The following CYP7B1 variants were observed in gnomAD, a reference collection of about 807,000 sequenced individuals.
CYP7B1 encodes the protein cytochrome P450 family 7 subfamily B member 1.
CYP7B1 carries 29 observed loss-of-function variants against 42.7 expected under a neutral mutation model. The observed-to-expected ratio is 0.68, with a 90% CI of 0.51 to 0.93. The LOEUF (loss-of-function observed/expected upper bound fraction) is 0.93. Among genes scored for constraint, CYP7B1 ranks in the 40% least tolerant of loss-of-function variants. The pLI is 0.00. For missense variants in CYP7B1, 655 were observed against 600.5 expected (o/e 1.09, Z -0.95); for synonymous variants, 235 against 218.2 (o/e 1.08, Z -0.68).
chr8:64,733,597 C>G (rs968743067), intron 1 of CYP7B1, among the ~76,000 whole-genome samples: 4 of 152,118 alleles, frequency 2.6e-5, no homozygotes, highest in East Asian at 1.9e-4. Context: ...AGAAAGCCAG[C>G]CTTTGTGTGA....
At chr8:64,623,439 C>T (rs3824188) in intron 2 of CYP7B1, among the ~76,000 whole-genome samples, 9,977 of 152,256 alleles carry the variant, frequency 0.066, 401 homozygotes, top group South Asian at 0.16. Flanking sequence ...TCGGATCATC[C>T]AGTTCCCATC....
intron 1 of CYP7B1, among the ~76,000 whole-genome samples, chr8:64,689,118 C>T (rs183094231): frequency 6.6e-6 from 1 of 152,208 alleles, no homozygotes; most frequent in East Asian, 1.9e-4. Context: ...ATTTTGAGAT[C>T]AATTCCTAAA....
At chr8:64,657,824 CAG>C (rs1806143993) in intron 1 of CYP7B1, among the ~76,000 whole-genome samples, 1 of 152,158 alleles carries the variant, frequency 6.6e-6, no homozygotes, top group Non-Finnish European at 1.5e-5. Flanking sequence ...ACAAAAATAA[CAG>C]TGTAAGCTGA....
At chr8:64,743,663 G>T (rs556309839) in intron 1 of CYP7B1, among the ~76,000 whole-genome samples, 2 of 152,128 alleles carry the variant, frequency 1.3e-5, no homozygotes, top group East Asian at 3.9e-4. Context: ...TATGACACCA[G>T]TCTGATTGGA....
intron 1 of CYP7B1, among the ~76,000 whole-genome samples, chr8:64,779,606 C>G (rs1315432700): frequency 6.6e-6 from 1 of 151,998 alleles, no homozygotes; most frequent in Non-Finnish European, 1.5e-5. Flanking sequence ...GCCAGTGACC[C>G]AACAGTAAGC....
intron 2 of CYP7B1, among the ~76,000 whole-genome samples, 183 bp downstream of exon 2, chr8:64,624,220 T>C (rs1277355905): frequency 3.3e-5 from 5 of 152,118 alleles, no homozygotes; most frequent in Non-Finnish European, 7.4e-5. Flanking sequence ...GAGAGTTCTA[T>C]AATTTGATTT....
At chr8:64,652,050 G>A (rs190538319) in intron 1 of CYP7B1, among the ~76,000 whole-genome samples, 6 of 152,120 alleles carry the variant, frequency 3.9e-5, no homozygotes, top group Middle Eastern at 3.2e-3. Flanking sequence ...AATTTTACCT[G>A]AAAATTAACA....
intron 1 of CYP7B1, among the ~76,000 whole-genome samples, chr8:64,798,185 T>C (rs139515464): frequency 5.1e-4 from 78 of 152,346 alleles, no homozygotes; most frequent in African/African-American, 1.7e-3. Context: ...ACACAATGTG[T>C]CTGTGATGCA....
At chr8:64,712,609 T>C (rs914765417) in intron 1 of CYP7B1, among the ~76,000 whole-genome samples, 1 of 151,894 alleles carries the variant, frequency 6.6e-6, no homozygotes, top group African/African-American at 2.4e-5. Context: ...TGAATTTTTA[T>C]AAATGTGGAT....
rs564187399 is a variant in CYP7B1 at position 64,726,348 on chromosome 8, CT to C, written c.122+72117del. Among the ~76,000 whole-genome samples the C allele has an allele frequency of 1.2e-4, 18 of 152,296 alleles. No homozygotes were observed. The South Asian group carries it at 3.7e-3, about 32-fold the overall frequency. On this transcript the variant is annotated intron_variant, in intron 1 of 5. Coordinates refer to ENST00000310193, the MANE Select transcript of CYP7B1 (RefSeq NM_004820.5). ...TACGTTGGGGGATAAGAAAGTCTGC[CT>C]TTTAAATTCAATTTAATAGAAATCA... is the stretch of plus-strand genomic sequence containing the variant.
intron 5 of CYP7B1, among the ~76,000 whole-genome samples, chr8:64,600,256 C>T (rs891744910): frequency 4.6e-5 from 7 of 152,090 alleles, no homozygotes; most frequent in African/African-American, 9.7e-5. Context: ...TTTTGGTATT[C>T]GTGACAAAGG....
At chr8:64,634,325 C>T (rs1805738895) in intron 1 of CYP7B1, among the ~76,000 whole-genome samples, 2 of 151,954 alleles carry the variant, frequency 1.3e-5, no homozygotes, top group Non-Finnish European at 2.9e-5. Context: ...ATCCCAGCAC[C>T]TTGGGAAGGC....
intron 2 of CYP7B1, among the ~76,000 whole-genome samples, 188 bp from the exon 3 acceptor site, chr8:64,616,469 T>C (rs1805451465): frequency 6.6e-6 from 1 of 152,160 alleles, no homozygotes; most frequent in Non-Finnish European, 1.5e-5. Context: ...TGGAAAACAC[T>C]CTAGAAACGT....
intron 2 of CYP7B1, among the ~76,000 whole-genome samples, chr8:64,622,957 T>A (rs1195660223): frequency 6.6e-6 from 1 of 151,672 alleles, no homozygotes; most frequent in Non-Finnish European, 1.5e-5. Context: ...GAGTGGGGAG[T>A]GAGACTCAGC....
intron 1 of CYP7B1, among the ~76,000 whole-genome samples, chr8:64,785,468 A>C (rs1804507921): frequency 6.6e-6 from 1 of 152,246 alleles, no homozygotes. Context: ...AATGTCTTTC[A>C]TGTCTGTCAG....
Position 64,595,091 on chromosome 8 carries a change from G to A in CYP7B1, c.*1551C>T, listed in dbSNP as rs548083984. On this transcript the variant is annotated 3_prime_UTR_variant, in exon 6 of 6. Transcript: ENST00000310193. ...TAACAACAATGGATACCTTAAGAAC[G>A]GGCAATATCTTCAAAGTGCTGTGAG... 2.6e-5 allele frequency among the ~76,000 whole-genome samples: 4 copies of A among 152,230 alleles called. No individual in the cohort carries two copies. The highest frequency in any genetic ancestry group is 4.1e-4 in the South Asian group (2 of 4,820).
rs574208804 is a variant in CYP7B1 at position 64,789,512 on chromosome 8, C to G, written c.122+8954G>C. ...GAATTTCCCTCTAACTACAAGCAAG[C>G]CTTTGCACTCAGAAGATGACTGTGG... On this transcript the variant is annotated intron_variant, in intron 1 of 5. Transcript: ENST00000310193. Among the ~76,000 whole-genome samples, 21 of 152,290 alleles carry G rather than the reference C, an allele frequency of 1.4e-4. No individual in the cohort carries two copies. The South Asian group carries it at 1.5e-3, about 11-fold the overall frequency.
chr8:64,640,947 G>A (rs1211750327), intron 1 of CYP7B1, among the ~76,000 whole-genome samples: 1 of 152,112 alleles, frequency 6.6e-6, no homozygotes, highest in African/African-American at 2.4e-5. Flanking sequence ...TCTATTTGTG[G>A]CTAAATGAGC....
intron 1 of CYP7B1, among the ~76,000 whole-genome samples, chr8:64,658,421 A>T (rs1261633186): frequency 1.3e-5 from 2 of 152,180 alleles, no homozygotes; most frequent in Non-Finnish European, 2.9e-5. Flanking sequence ...ACTTATGAAG[A>T]GTACTTTGAA....
Sources: allele counts gnomAD v4.1 joint callset (sites outside exome capture counted in the v4.1 genomes callset), GRCh38; gene constraint gnomAD v4.1.1; transcripts MANE v1.5; gene names NCBI Gene and HGNC (gene_info 2026-07-23, HGNC 2026-07-21).